LPP: variants seen among roughly 807,000 people sequenced by gnomAD.
LPP encodes the protein LIM domain containing preferred translocation partner in lipoma, also known as lipoma-preferred partner.
A neutral mutation model predicts 60.4 loss-of-function variants in LPP; 38 were observed. The ratio of observed to expected loss-of-function variants is 0.63; its 90% CI spans 0.49 to 0.83. The LOEUF (loss-of-function observed/expected upper bound fraction) is 0.83. Among genes scored for constraint, LPP ranks in the 40% least tolerant of loss-of-function variants. The probability of loss-of-function intolerance (pLI) is 0.00; values close to 1 mark genes in which losing one functional copy is unlikely to be tolerated. For synonymous variants in LPP, 328 were observed against 290.8 expected, an observed-to-expected ratio of 1.13 and a Z score of -1.30; for missense variants, 902 against 783.6, an observed-to-expected ratio of 1.15 and a Z score of -1.80.
rs1227289055 is a variant in LPP at position 188,587,319 on chromosome 3, C to T, written c.430-21842C>T. ...GATTGCGCCACTGCAGTCCGCAGTC[C>T]GGCCTGGGCGACAGAGCGAGACTCC... On this transcript the variant is annotated intron_variant, in intron 6 of 11. Transcript: ENST00000617246. Among the ~76,000 whole-genome samples the T allele has an allele frequency of 4.4e-5, 4 of 89,934 alleles. 2 individuals carry two copies. Among genetic ancestry groups the T allele is most frequent in the Non-Finnish European group, 8.8e-5 (4 of 45,320 alleles). 59.0% of individuals were successfully genotyped at this position (89,934 alleles called of 152,430 possible). A position where few individuals can be genotyped will look rare whatever the true frequency, so the allele number is the denominator to read the frequency against.
At chr3:188,278,406 C>T (rs1740757335) in intron 2 of LPP, among the ~76,000 whole-genome samples, 1 of 152,218 alleles carries the variant, frequency 6.6e-6, no homozygotes, top group Admixed American at 6.5e-5. Flanking sequence ...AAGGAGTGCT[C>T]TGTCCTCACC....
intron 7 of LPP, among the ~76,000 whole-genome samples, chr3:188,636,298 CG>C (rs774802351): frequency 2.0e-5 from 3 of 152,168 alleles, no homozygotes; most frequent in Non-Finnish European, 4.4e-5. Context: ...GGGTGACAGA[CG>C]GCACCTGGAA....
intron 4 of LPP, among the ~76,000 whole-genome samples, chr3:188,466,455 A>G (rs1052603931): frequency 6.6e-6 from 1 of 152,064 alleles, no homozygotes; most frequent in African/African-American, 2.4e-5. Context: ...AGGGCTACTA[A>G]GCAGTTTCCT....
chr3:188,749,636 AC>A (rs1331474736), intron 8 of LPP, among the ~76,000 whole-genome samples: 35 of 152,232 alleles, frequency 2.3e-4, no homozygotes, highest in African/African-American at 8.2e-4. Flanking sequence ...CAACTCTGCT[AC>A]CTACTTCTCA....
At chr3:188,813,667 G>A (rs1001046587) in intron 9 of LPP, among the ~76,000 whole-genome samples, 46 of 152,090 alleles carry the variant, frequency 3.0e-4, no homozygotes, top group Non-Finnish European at 2.6e-4. Context: ...CTGCCCCCTT[G>A]GGATTGCCTG....
At chr3:188,161,822 A>G (rs1158092447) in intron 1 of LPP, among the ~76,000 whole-genome samples, 9 of 152,184 alleles carry the variant, frequency 5.9e-5, no homozygotes, top group South Asian at 2.1e-4. Context: ...CTTGCGCTTC[A>G]TACTTAGAAA....
intron 7 of LPP, among the ~76,000 whole-genome samples, chr3:188,690,830 G>C (rs11928121): frequency 0.024 from 3,661 of 151,916 alleles, 149 homozygotes; most frequent in African/African-American, 0.083. Context: ...AATTTTCATG[G>C]GCCTCTATTT....
chr3:188,780,840 A>G (rs1377642080), intron 9 of LPP, among the ~76,000 whole-genome samples: 1 of 152,170 alleles, frequency 6.6e-6, no homozygotes, highest in Non-Finnish European at 1.5e-5. Flanking sequence ...AAATGTTCCC[A>G]TCACAACAGT....
chr3:188,854,316 T>G (rs1763329231), intron 9 of LPP, among the ~76,000 whole-genome samples: 2 of 152,232 alleles, frequency 1.3e-5, no homozygotes, highest in African/African-American at 4.8e-5. Context: ...CAGAAAATAT[T>G]ACAGCCAAGA....
intron 3 of LPP, among the ~76,000 whole-genome samples, chr3:188,363,780 C>G (rs1770267429): frequency 6.6e-6 from 1 of 151,960 alleles, no homozygotes; most frequent in Admixed American, 6.6e-5. Context: ...TGGCGGGCTC[C>G]TGTAATCCCA....
chr3:188,364,650 C>G (rs547938234), intron 3 of LPP, among the ~76,000 whole-genome samples: 1 of 152,280 alleles, frequency 6.6e-6, no homozygotes, highest in South Asian at 2.1e-4. Flanking sequence ...GATCTGGAAC[C>G]TGCACGCTCA....
At chr3:188,494,533 A>G (rs1579337516) in intron 5 of LPP, among the ~76,000 whole-genome samples, 1 of 152,294 alleles carries the variant, frequency 6.6e-6, no homozygotes, top group Non-Finnish European at 1.5e-5. Context: ...TCCATTCTAA[A>G]GAGCCTTGCC....
intron 6 of LPP, among the ~76,000 whole-genome samples, chr3:188,585,926 G>C (rs1445482249): frequency 1.3e-5 from 2 of 152,138 alleles, no homozygotes; most frequent in African/African-American, 2.4e-5. Context: ...CCATCTTTAA[G>C]GTGCTATAGC....
At chr3:188,457,905 T>C (rs1798126050) in intron 4 of LPP, among the ~76,000 whole-genome samples, 1 of 152,044 alleles carries the variant, frequency 6.6e-6, no homozygotes. Flanking sequence ...TGAGACTCCG[T>C]CTCAAAAAAT....
At chr3:188,199,196 C>G (rs922117631) in intron 1 of LPP, among the ~76,000 whole-genome samples, 3 of 152,128 alleles carry the variant, frequency 2.0e-5, no homozygotes, top group Admixed American at 2.0e-4. Flanking sequence ...AAAGGGCAAG[C>G]CTTGAGAGGA....
At chr3:188,708,540 T>A in intron 8 of LPP, 147 bp downstream of exon 8, 1 of 1,072,654 alleles carries the variant, frequency 9.3e-7, no homozygotes, top group South Asian at 1.4e-5. Context: ...AACTAAGTAA[T>A]TGTAGGATTT....
intron 2 of LPP, among the ~76,000 whole-genome samples, chr3:188,246,771 T>C (rs1266081840): frequency 2.0e-5 from 3 of 152,214 alleles, no homozygotes; most frequent in Non-Finnish European, 4.4e-5. Context: ...CACAATATTA[T>C]CCTTCCTAAT....
At chr3:188,389,411 G>A (rs1294807823) in intron 3 of LPP, among the ~76,000 whole-genome samples, 1 of 152,178 alleles carries the variant, frequency 6.6e-6, no homozygotes, top group African/African-American at 2.4e-5. Flanking sequence ...CTTGACAGTG[G>A]ATTGAGGATG....
intron 9 of LPP, among the ~76,000 whole-genome samples, chr3:188,808,976 T>G (rs1750032749): frequency 6.6e-6 from 1 of 152,198 alleles, no homozygotes; most frequent in Non-Finnish European, 1.5e-5. Flanking sequence ...GATGATGGCT[T>G]CCAGCTTCAT....
Sources: allele counts gnomAD v4.1 joint callset (sites outside exome capture counted in the v4.1 genomes callset), GRCh38; gene constraint gnomAD v4.1.1; transcripts MANE v1.5; gene names NCBI Gene and HGNC (gene_info 2026-07-23, HGNC 2026-07-21).